KCNIP1: variants seen among roughly 807,000 people sequenced by gnomAD.
KCNIP1 encodes the protein A-type potassium channel modulatory protein KCNIP1.
In KCNIP1, 18 loss-of-function variants were observed where a neutral mutation model predicts 33.0. That is an observed-to-expected ratio of 0.55 (90% CI 0.38 to 0.81). The LOEUF (loss-of-function observed/expected upper bound fraction) is 0.81. Among genes scored for constraint, KCNIP1 ranks in the 30% least tolerant of loss-of-function variants. KCNIP1 has a pLI of 0.00. For missense variants in KCNIP1, 238 were observed against 271.6 expected, an observed-to-expected ratio of 0.88 and a Z score of 0.87; for synonymous variants, 93 against 98.3, an observed-to-expected ratio of 0.95 and a Z score of 0.32.
intron 1 of KCNIP1, among the ~76,000 whole-genome samples, chr5:170,684,011 C>A (rs2113801144): frequency 6.6e-6 from 1 of 152,024 alleles, no homozygotes; most frequent in South Asian, 2.1e-4. Flanking sequence ...CCTGCCGAGG[C>A]CTCCCAAAGT....
chr5:170,604,482 C>T (rs1404219159), intron 1 of KCNIP1, among the ~76,000 whole-genome samples: 1 of 152,136 alleles, frequency 6.6e-6, no homozygotes, highest in Non-Finnish European at 1.5e-5. Context: ...GATCCTTGGC[C>T]CCATCTCATT....
At chr5:170,569,546 G>T (rs906273586) in intron 1 of KCNIP1, among the ~76,000 whole-genome samples, 1 of 152,204 alleles carries the variant, frequency 6.6e-6, no homozygotes, top group Admixed American at 6.5e-5. Context: ...TTCACTCATA[G>T]GATTGGTGGA....
At chr5:170,407,460 A>G (rs1755066859) in intron 1 of KCNIP1, among the ~76,000 whole-genome samples, 1 of 152,228 alleles carries the variant, frequency 6.6e-6, no homozygotes, top group African/African-American at 2.4e-5. Flanking sequence ...TTTAAATGCT[A>G]TGTAAAGATA....
At chr5:170,533,604 T>C (rs2113353232) in intron 1 of KCNIP1, among the ~76,000 whole-genome samples, 1 of 152,296 alleles carries the variant, frequency 6.6e-6, no homozygotes, top group Non-Finnish European at 1.5e-5. Context: ...ACTTACTGTG[T>C]GTCACTGGAT....
chr5:170,679,859 C>T (rs557814770), intron 1 of KCNIP1, among the ~76,000 whole-genome samples: 13 of 151,952 alleles, frequency 8.6e-5, no homozygotes, highest in South Asian at 8.3e-4. Flanking sequence ...GTTTTCTCAC[C>T]GATGAGCATG....
chr5:170,685,781 C>T (rs2113804693), intron 1 of KCNIP1, among the ~76,000 whole-genome samples: 1 of 152,224 alleles, frequency 6.6e-6, no homozygotes, highest in Middle Eastern at 3.4e-3. Context: ...GAGCCACTGC[C>T]CAGCCGATAA....
intron 1 of KCNIP1, chr5:170,379,100 C>A: frequency 8.5e-7 from 1 of 1,178,848 alleles, no homozygotes. Context: ...GGGCTTTGGT[C>A]TAAAGCTTGG....
At chr5:170,392,102 C>T (rs974432899) in intron 1 of KCNIP1, among the ~76,000 whole-genome samples, 1 of 152,184 alleles carries the variant, frequency 6.6e-6, no homozygotes, top group Non-Finnish European at 1.5e-5. Flanking sequence ...GGGACATGTA[C>T]CTGGGAACCA....
intron 1 of KCNIP1, chr5:170,354,001 G>T: frequency 6.3e-7 from 1 of 1,580,448 alleles, no homozygotes; most frequent in Non-Finnish European, 8.7e-7. Context: ...TTTCTGTCTT[G>T]ATATGGCCTG....
At chr5:170,549,102 T>G (rs1756513821) in intron 1 of KCNIP1, among the ~76,000 whole-genome samples, 1 of 152,098 alleles carries the variant, frequency 6.6e-6, no homozygotes. Flanking sequence ...CACTGGAGCC[T>G]GGGATCCTCT....
chr5:170,646,983 A>G (rs1380456021), intron 1 of KCNIP1, among the ~76,000 whole-genome samples: 1 of 152,172 alleles, frequency 6.6e-6, no homozygotes, highest in East Asian at 1.9e-4. Flanking sequence ...AAAACACACT[A>G]CCATTTACAT....
chr5:170,414,835 T>G (rs370822160), intron 1 of KCNIP1, among the ~76,000 whole-genome samples: 1 of 152,234 alleles, frequency 6.6e-6, no homozygotes, highest in African/African-American at 2.4e-5. Flanking sequence ...GGGGTATAAA[T>G]AAATGTGCTG....
At chr5:170,409,754 C>T (rs1755132711) in intron 1 of KCNIP1, among the ~76,000 whole-genome samples, 1 of 152,160 alleles carries the variant, frequency 6.6e-6, no homozygotes, top group African/African-American at 2.4e-5. Context: ...CGAGGCCTGG[C>T]CCTGTGTGCT....
At chr5:170,554,824 A>G (rs901870063) in intron 1 of KCNIP1, among the ~76,000 whole-genome samples, 2 of 150,906 alleles carry the variant, frequency 1.3e-5, no homozygotes, top group African/African-American at 4.9e-5. Flanking sequence ...TCTCGTCACC[A>G]CCCCTTTGCT....
chr5:170,503,749 C>T (rs1754566915), upstream of KCNIP1, among the ~76,000 whole-genome samples: 1 of 151,070 alleles, frequency 6.6e-6, no homozygotes, highest in Non-Finnish European at 1.5e-5. Context: ...CACACACACA[C>T]ACACACACAC....
chr5:170,612,988 A>G (rs1759232626), intron 1 of KCNIP1, among the ~76,000 whole-genome samples: 1 of 152,118 alleles, frequency 6.6e-6, no homozygotes, highest in Non-Finnish European at 1.5e-5. Context: ...TCCTGGTCCC[A>G]TCCGCTCTTC....
chr5:170,606,442 C>G (rs989385831), intron 1 of KCNIP1, among the ~76,000 whole-genome samples: 6 of 152,126 alleles, frequency 3.9e-5, no homozygotes, highest in Non-Finnish European at 2.9e-5. Context: ...GTGTGAGGCT[C>G]TTTTTACTTT....
intron 1 of KCNIP1, among the ~76,000 whole-genome samples, chr5:170,521,991 C>G (rs1389016039): frequency 6.6e-6 from 1 of 152,210 alleles, no homozygotes; most frequent in Non-Finnish European, 1.5e-5. Flanking sequence ...AATGTGGTCT[C>G]TGGCCCAGGA....
In KCNIP1 at chr5:170,504,200, C is replaced by CA. The variant is rs1754609623; in HGVS notation, c.-372dup. On this transcript the variant is annotated 5_prime_UTR_variant, in exon 1 of 8. An upstream open reading frame in the 5' UTR gains an earlier in-frame stop. Coordinates refer to ENST00000328939, the MANE Select transcript of KCNIP1 (RefSeq NM_014592.4). The surrounding 1 kb of genome is among the most constrained non-coding windows in gnomAD (Gnocchi z 6.0). ...AGGGGCGGGCGGACGGCGGCTCCCG[C>CA]ACCGCACGCGGCGCTGGCTCGGCAG... 9.6e-7 allele frequency: 1 copy of CA among 1,037,448 alleles called. No individual in the cohort carries two copies. Among genetic ancestry groups the CA allele is most frequent in the Non-Finnish European group, 1.2e-6 (1 of 864,938 alleles). The allele number at this position is 1,037,448 out of a possible 1,614,324, so 64.3% of individuals were successfully genotyped here.
Sources: gnomAD v4.1 joint callset for allele counts (sites outside exome capture counted in the v4.1 genomes callset) on GRCh38, gnomAD v4.1.1 for gene constraint, Gnocchi (gnomAD v3.1) non-coding constraint, MANE v1.5 for transcripts, NCBI Gene and HGNC (gene_info 2026-07-23, HGNC 2026-07-21) for gene names.